Variants in CDK17 observed in about 807,000 individuals in gnomAD.
CDK17 encodes cyclin-dependent kinase 17.
A neutral mutation model predicts 77.6 loss-of-function variants in CDK17; 24 were observed. The ratio of observed to expected loss-of-function variants is 0.31; its 90% CI spans 0.22 to 0.44. The LOEUF (loss-of-function observed/expected upper bound fraction) is 0.44. Ranked by LOEUF, CDK17 falls within the 20% of genes least tolerant of loss-of-function variation. The pLI, the probability that CDK17 is intolerant of heterozygous loss-of-function variation, is 1.00. For missense variants in CDK17, 429 were observed against 622.5 expected (o/e 0.69, Z 3.31); for synonymous variants, 203 against 210.4 (o/e 0.96, Z 0.30).
intron 1 of CDK17, among the ~76,000 whole-genome samples, chr12:96,362,890 G>T (rs1300583767): frequency 6.6e-6 from 1 of 151,848 alleles, no homozygotes; most frequent in Admixed American, 6.6e-5. Flanking sequence ...GGGGATGGAG[G>T]GTTCAATACT....
chr12:96,305,745 C>G (rs929349289), intron 5 of CDK17, among the ~76,000 whole-genome samples: 1 of 151,974 alleles, frequency 6.6e-6, no homozygotes, highest in Non-Finnish European at 1.5e-5. Context: ...GAGACAGGGT[C>G]TCTTGCTCTG....
chr12:96,324,235 T>C (rs1044446448), intron 2 of CDK17, 123 bp from the exon 3 acceptor site: 5 of 538,990 alleles, frequency 9.3e-6, no homozygotes, highest in Middle Eastern at 3.2e-4. Flanking sequence ...CCTCATTGCT[T>C]TGCTTAACTA....
intron 1 of CDK17, among the ~76,000 whole-genome samples, chr12:96,379,828 A>G (rs553549974): frequency 6.6e-6 from 1 of 152,348 alleles, no homozygotes; most frequent in East Asian, 1.9e-4. Context: ...TAAAAATGGC[A>G]GAGTTTCTAA....
intron 3 of CDK17, among the ~76,000 whole-genome samples, chr12:96,314,327 G>A (rs950738613): frequency 6.6e-6 from 1 of 152,112 alleles, no homozygotes; most frequent in African/African-American, 2.4e-5. Context: ...AAGTAGCTGG[G>A]AGTACAGGCA....
At chr12:96,396,506 A>T (rs575186443) in intron 1 of CDK17, among the ~76,000 whole-genome samples, 1 of 152,348 alleles carries the variant, frequency 6.6e-6, no homozygotes, top group Admixed American at 6.5e-5. Context: ...ACATTTTTAA[A>T]TGCCATAAAC....
chr12:96,333,076 T>C (rs758705211), intron 2 of CDK17, among the ~76,000 whole-genome samples: 45 of 152,128 alleles, frequency 3.0e-4, no homozygotes, highest in Admixed American at 7.9e-4. Context: ...CTGATCATCA[T>C]TGGCAAACAC....
rs191858929 is a variant in CDK17 at position 96,382,124 on chromosome 12, C to T, written c.-30+17862G>A. 2.0e-3 allele frequency among the ~76,000 whole-genome samples: 291 copies of T among 142,862 alleles called. 1 individual carries two copies. The highest frequency in any genetic ancestry group is 6.6e-3 in the African/African-American group (265 of 40,020). 93.7% of individuals were successfully genotyped at this position (142,862 alleles called of 152,430 possible). ...CTAAGGAAATGCAAAATGGTGTGGG[C>T]GGGTGGGAAAGGGATATCGCATGTT... On this transcript the variant is annotated intron_variant, in intron 1 of 16. Transcript: ENST00000261211.
At chr12:96,325,111 A>T (rs1052161942) in intron 2 of CDK17, among the ~76,000 whole-genome samples, 2 of 152,218 alleles carry the variant, frequency 1.3e-5, no homozygotes, top group African/African-American at 4.8e-5. Flanking sequence ...AAGAGCTCTG[A>T]TACAGGTTAA....
chr12:96,309,297 C>A (rs1317648904), intron 5 of CDK17, among the ~76,000 whole-genome samples: 1 of 148,020 alleles, frequency 6.8e-6, no homozygotes, highest in Admixed American at 6.7e-5. Flanking sequence ...CCGTTTTTGA[C>A]TGACAAATTT....
intron 1 of CDK17, among the ~76,000 whole-genome samples, chr12:96,349,398 A>G (rs1953276784): frequency 6.6e-6 from 1 of 152,160 alleles, no homozygotes; most frequent in Non-Finnish European, 1.5e-5. Context: ...GGTTGCAATG[A>G]GCCGAGATTG....
chr12:96,345,540 C>A (rs1953193588), intron 1 of CDK17, among the ~76,000 whole-genome samples: 1 of 152,050 alleles, frequency 6.6e-6, no homozygotes. Context: ...GAGATGTTAT[C>A]TCATTGTGAT....
At chr12:96,310,402 T>C (rs1318004710) in intron 5 of CDK17, among the ~76,000 whole-genome samples, 6 of 152,096 alleles carry the variant, frequency 3.9e-5, no homozygotes, top group Non-Finnish European at 8.8e-5. Flanking sequence ...AGAAAGAGAA[T>C]ATTACACATT....
intron 5 of CDK17, among the ~76,000 whole-genome samples, chr12:96,308,252 A>AG (rs1555200720): frequency 1.4e-5 from 2 of 143,562 alleles, no homozygotes; most frequent in Non-Finnish European, 3.1e-5. Context: ...AAAAAAAAAA[A>AG]GTTTTTTAAT....
At chr12:96,328,725 G>T (rs1295537211) in intron 2 of CDK17, among the ~76,000 whole-genome samples, 1 of 152,126 alleles carries the variant, frequency 6.6e-6, no homozygotes, top group African/African-American at 2.4e-5. Flanking sequence ...ACACATCCAT[G>T]TGGAGAAGAC....
intron 1 of CDK17, among the ~76,000 whole-genome samples, chr12:96,339,661 G>GTC (rs773264649): frequency 5.3e-5 from 8 of 152,050 alleles, no homozygotes; most frequent in Non-Finnish European, 1.0e-4. Context: ...CAAGCGCAGT[G>GTC]TCTCATGCCT....
At chr12:96,358,370 TAAAAAAA>T (rs35899533) in intron 1 of CDK17, among the ~76,000 whole-genome samples, 116 of 35,184 alleles carry the variant, frequency 3.3e-3, no homozygotes, top group African/African-American at 0.012. Context: ...TGCAAACTTG[TAAAAAAA>T]AAAAAAAAAA....
At chr12:96,297,793 C>G in intron 7 of CDK17, 72 bp from the exon 8 acceptor site, 1 of 800,854 alleles carries the variant, frequency 1.2e-6, no homozygotes, top group Non-Finnish European at 2.1e-6. Flanking sequence ...GTTGAACATA[C>G]GAACTGATTA....
intron 1 of CDK17, among the ~76,000 whole-genome samples, chr12:96,347,442 C>T (rs1381675800): frequency 3.3e-5 from 5 of 151,088 alleles, no homozygotes; most frequent in Admixed American, 6.6e-5. Context: ...TGGTGCATGC[C>T]GGTAATCCCA....
intron 1 of CDK17, chr12:96,399,131 G>C (rs1444090919): frequency 6.6e-6 from 1 of 152,284 alleles, no homozygotes; most frequent in African/African-American, 2.4e-5. Context: ...GAGAACGAGG[G>C]AAAAACCACA....
Sources: gnomAD v4.1 joint callset for allele counts (sites outside exome capture counted in the v4.1 genomes callset) on GRCh38, gnomAD v4.1.1 for gene constraint, MANE v1.5 for transcripts, NCBI Gene and HGNC (gene_info 2026-07-23, HGNC 2026-07-21) for gene names.